TNS1: variants seen among roughly 807,000 people sequenced by gnomAD.
The protein encoded by TNS1 is tensin-1.
A neutral mutation model predicts 168.6 loss-of-function variants in TNS1; 62 were observed. The ratio of observed to expected loss-of-function variants is 0.37; its 90% CI spans 0.30 to 0.45. TNS1 has a LOEUF of 0.45. Among genes scored for constraint, TNS1 ranks in the 20% least tolerant of loss-of-function variants. The probability of loss-of-function intolerance (pLI) is 1.00; values close to 1 mark genes in which losing one functional copy is unlikely to be tolerated. For synonymous variants in TNS1, 934 were observed against 933.2 expected (o/e 1.00, Z -0.02); for missense variants, 2,240 against 2,339.4 (o/e 0.96, Z 0.88).
chr2:217,805,472 A>ACACAC (rs1938403588), intron 32 of TNS1, among the ~76,000 whole-genome samples: 1 of 76,136 alleles, frequency 1.3e-5, no homozygotes, highest in African/African-American at 5.5e-5. Context: ...ACCACCACAC[A>ACACAC]CACCACACAC....
At chr2:217,890,520 A>T (rs1951635973) in intron 12 of TNS1, 1 of 164,078 alleles carries the variant, frequency 6.1e-6, no homozygotes, top group South Asian at 1.8e-4. Flanking sequence ...GCTCTCAGTA[A>T]AACTGTCTAA....
At chr2:218,017,620 A>T (rs909743669) in intron 1 of TNS1, among the ~76,000 whole-genome samples, 1 of 152,022 alleles carries the variant, frequency 6.6e-6, no homozygotes, top group African/African-American at 2.4e-5. Context: ...ACCAAGGTCA[A>T]CTCCTGGCCC....
At chr2:217,833,914 G>T (rs933748204) in intron 21 of TNS1, among the ~76,000 whole-genome samples, 4 of 152,216 alleles carry the variant, frequency 2.6e-5, no homozygotes, top group Non-Finnish European at 5.9e-5. Context: ...AATTTTATAA[G>T]AGATTGTAAA....
intron 1 of TNS1, among the ~76,000 whole-genome samples, chr2:218,002,470 G>C (rs1008261805): frequency 6.7e-6 from 1 of 148,792 alleles, no homozygotes; most frequent in African/African-American, 2.6e-5. Context: ...CAGCAACTGA[G>C]GGGGGGCGGT....
intron 22 of TNS1, among the ~76,000 whole-genome samples, chr2:217,829,385 C>T (rs142812178): frequency 3.8e-4 from 58 of 150,778 alleles, no homozygotes; most frequent in African/African-American, 1.3e-3. Flanking sequence ...AACTCCATCT[C>T]AAAAAAAAAG....
chr2:218,033,638 G>A lies in TNS1; in HGVS notation c.156+182C>T, dbSNP rs976403482. Among the ~76,000 whole-genome samples, 1 of 152,110 alleles carries A rather than the reference G, an allele frequency of 6.6e-6. No individual in the cohort carries two copies. The highest frequency in any genetic ancestry group is 2.4e-5 in the African/African-American group (1 of 41,434). On this transcript the variant is annotated intron_variant, in intron 1 of 1. Coordinates refer to the TNS1 transcript ENST00000649572. This position sits in a 1 kb window ranked among gnomAD's most constrained non-coding sequence, Gnocchi z 4.3. ...ACCCAGGGGAGCCCTCTACCCAACT[G>A]GAGGCCCCTTCACCCGGTCGTGGTC...
chr2:217,935,866 T>C (rs1249920886), intron 3 of TNS1, among the ~76,000 whole-genome samples: 1 of 152,174 alleles, frequency 6.6e-6, no homozygotes, highest in Non-Finnish European at 1.5e-5. Flanking sequence ...TTGTTCATAG[T>C]CATATAGCCT....
intron 22 of TNS1, among the ~76,000 whole-genome samples, chr2:217,828,074 A>C (rs1943870693): frequency 6.6e-6 from 1 of 151,514 alleles, no homozygotes; most frequent in Non-Finnish European, 1.5e-5. Context: ...CTAATTCTAG[A>C]CTCTCTCTCC....
chr2:218,010,985 C>T (rs1958700870), upstream of TNS1, among the ~76,000 whole-genome samples: 1 of 152,186 alleles, frequency 6.6e-6, no homozygotes, highest in African/African-American at 2.4e-5. Flanking sequence ...CTCTCTATCC[C>T]ACTCAGTGTG....
chr2:217,807,318 A>G (rs1559136127), intron 32 of TNS1, among the ~76,000 whole-genome samples: 1 of 152,186 alleles, frequency 6.6e-6, no homozygotes, highest in Non-Finnish European at 1.5e-5. Context: ...ACCCCAGGTT[A>G]TGCCTATATT....
At position 217,803,499 on chromosome 2, in the gene TNS1, C is replaced by G. The variant is rs1937804257; in HGVS notation, c.*960G>C. ...GGGGAAGACACCCCGAGCTCAACAGCTGCCTGTTCTGACAGATCTCTTCCT... is the reference window on the plus strand; with the variant it reads ...GGGGAAGACACCCCGAGCTCAACAGGTGCCTGTTCTGACAGATCTCTTCCT... On this transcript the variant is annotated 3_prime_UTR_variant, in exon 33 of 33. Transcript: ENST00000682258. The G allele has an allele frequency of 6.6e-6, 1 of 152,582 alleles. No homozygotes were observed. The highest frequency in any genetic ancestry group is 2.1e-4 in the South Asian group (1 of 4,830). 9.5% of individuals were successfully genotyped at this position (152,582 alleles called of 1,614,324 possible). A position where few individuals can be genotyped will look rare whatever the true frequency, so the allele number is the denominator to read the frequency against.
At chr2:217,913,898 A>G (rs750869269) in intron 4 of TNS1, among the ~76,000 whole-genome samples, 1 of 151,922 alleles carries the variant, frequency 6.6e-6, no homozygotes, top group Non-Finnish European at 1.5e-5. Flanking sequence ...CAGGGTCACC[A>G]AGGGTTGTTT....
chr2:217,855,000 G>C (rs1947956492), intron 18 of TNS1, among the ~76,000 whole-genome samples: 1 of 152,228 alleles, frequency 6.6e-6, no homozygotes, highest in South Asian at 2.1e-4. Context: ...GAGAGTGTGT[G>C]TGCAGCTTTG....
Position 217,848,645 on chromosome 2 carries a change from G to A in TNS1, c.1872C>T (p.Asp624=). ...GGALASERET[D]ILDDELPNQD... ...GGTTTGGCAATTCATCGTCCAGGAT[G>A]TCTGTCTCCCGCTCAGATGCTAACG... The change falls in exon 19 of 33, where the codon GAC becomes GAT. Residue 624 remains aspartate, a synonymous_variant. Transcript: ENST00000682258. 1 of 1,614,242 alleles carries A rather than the reference G, an allele frequency of 6.2e-7. No homozygotes were observed. The highest frequency in any genetic ancestry group is 8.5e-7 in the Non-Finnish European group (1 of 1,180,036).
chr2:217,940,327 C>T (rs1385058989), intron 3 of TNS1, among the ~76,000 whole-genome samples: 1 of 152,218 alleles, frequency 6.6e-6, no homozygotes, highest in East Asian at 1.9e-4. Context: ...CTCTGCCCCC[C>T]ACCTCCAAAC....
chr2:217,914,984 G>T (rs1283737866), intron 4 of TNS1, among the ~76,000 whole-genome samples: 1 of 152,192 alleles, frequency 6.6e-6, no homozygotes, highest in Non-Finnish European at 1.5e-5. Context: ...CGGCCCTAGG[G>T]GTTGCACAAG....
At chr2:217,951,506 A>T (rs1049487267) in intron 3 of TNS1, among the ~76,000 whole-genome samples, 1 of 152,194 alleles carries the variant, frequency 6.6e-6, no homozygotes, top group African/African-American at 2.4e-5. Flanking sequence ...AAGTTCAGAG[A>T]CATCAGCTAT....
At chr2:217,946,725 C>A (rs949254673) in intron 3 of TNS1, among the ~76,000 whole-genome samples, 2 of 151,918 alleles carry the variant, frequency 1.3e-5, no homozygotes, top group Non-Finnish European at 2.9e-5. Flanking sequence ...CACTATCCAT[C>A]CCCTACCCCA....
intron 12 of TNS1, 136 bp from the exon 13 acceptor site, chr2:217,886,782 C>A: frequency 1.5e-6 from 1 of 681,730 alleles, no homozygotes; most frequent in Non-Finnish European, 2.6e-6. Flanking sequence ...GGTCCCCCTC[C>A]CCAACCAGGC....
Sources: gnomAD v4.1 joint callset for allele counts (sites outside exome capture counted in the v4.1 genomes callset) on GRCh38, gnomAD v4.1.1 for gene constraint, Gnocchi (gnomAD v3.1) non-coding constraint, MANE v1.5 for transcripts, NCBI Gene and HGNC (gene_info 2026-07-23, HGNC 2026-07-21) for gene names.